Variants in TAFA2 observed in about 807,000 individuals in gnomAD.
The protein encoded by TAFA2 is chemokine-like protein TAFA-2.
A neutral mutation model predicts 18.8 loss-of-function variants in TAFA2; 7 were observed. The ratio of observed to expected loss-of-function variants is 0.37; its 90% CI spans 0.21 to 0.70. The LOEUF (loss-of-function observed/expected upper bound fraction) is 0.70, where lower values mean the gene tolerates loss of function less well. TAFA2 is among the 30% of genes least tolerant of loss of function. TAFA2 has a pLI of 0.53. For synonymous variants in TAFA2, 60 were observed against 54.2 expected (o/e 1.11, Z -0.47); for missense variants, 122 against 158.1 (o/e 0.77, Z 1.23).
chr12:61,803,838 T>C (rs1871498514), intron 2 of TAFA2, among the ~76,000 whole-genome samples: 1 of 151,998 alleles, frequency 6.6e-6, no homozygotes, highest in African/African-American at 2.4e-5. Flanking sequence ...TGTATACATA[T>C]GTAACTAACC....
chr12:61,924,705 C>T (rs1478105776), intron 1 of TAFA2, among the ~76,000 whole-genome samples: 1 of 152,138 alleles, frequency 6.6e-6, no homozygotes, highest in Non-Finnish European at 1.5e-5. Context: ...AACCAGCTAC[C>T]ATCATAATGA....
intron 2 of TAFA2, among the ~76,000 whole-genome samples, chr12:61,850,661 G>A (rs1391233761): frequency 2.6e-5 from 4 of 151,804 alleles, no homozygotes; most frequent in African/African-American, 9.7e-5. Context: ...TTGGCTTTGA[G>A]ATTTTATTTT....
rs926846384 is a variant in TAFA2 at position 61,869,931 on chromosome 12, C to T, written c.-1-2505G>A. ...TCATCTGACAGGAAGAGCTGCTTAG[C>T]ATAATTCTTGATAATAGCTTCTCCT... On this transcript the variant is annotated intron_variant, in intron 1 of 4. Transcript: ENST00000416284. Among the ~76,000 whole-genome samples the T allele has an allele frequency of 7.9e-5, 12 of 152,166 alleles. 1 individual carries two copies. The highest frequency in any genetic ancestry group is 5.9e-4 in the Admixed American group (9 of 15,266).
At chr12:61,931,490 C>G (rs1315911324) in intron 1 of TAFA2, among the ~76,000 whole-genome samples, 2 of 152,202 alleles carry the variant, frequency 1.3e-5, no homozygotes, top group Admixed American at 6.5e-5. Flanking sequence ...TAAGCATATT[C>G]TACGGAAACA....
intron 1 of TAFA2, among the ~76,000 whole-genome samples, chr12:61,904,357 A>C (rs1876246111): frequency 6.6e-6 from 1 of 152,250 alleles, no homozygotes; most frequent in South Asian, 2.1e-4. Flanking sequence ...AGAGTAGAAA[A>C]GTGAGAAGGT....
intron 1 of TAFA2, among the ~76,000 whole-genome samples, chr12:62,213,495 T>C (rs888885680): frequency 3.3e-5 from 5 of 152,060 alleles, no homozygotes; most frequent in African/African-American, 1.2e-4. Context: ...ATACAAAAAT[T>C]AGCTGGGCAT....
At chr12:61,800,211 A>G (rs577158819) in intron 2 of TAFA2, among the ~76,000 whole-genome samples, 1 of 152,344 alleles carries the variant, frequency 6.6e-6, no homozygotes, top group South Asian at 2.1e-4. Flanking sequence ...TATAATGTTA[A>G]TCACTTTTAT....
chr12:62,187,643 A>G (rs2062595389), intron 1 of TAFA2, among the ~76,000 whole-genome samples: 1 of 152,214 alleles, frequency 6.6e-6, no homozygotes, highest in Non-Finnish European at 1.5e-5. Context: ...GAAGACAAGA[A>G]TTGTTTATTT....
At chr12:62,112,276 T>C (rs1015343379) in intron 1 of TAFA2, among the ~76,000 whole-genome samples, 2 of 152,252 alleles carry the variant, frequency 1.3e-5, no homozygotes, top group Admixed American at 1.3e-4. Flanking sequence ...TGAAATTCTG[T>C]GTTGAAAATT....
chr12:62,196,204 C>T (rs2062648655), upstream of TAFA2, among the ~76,000 whole-genome samples: 1 of 152,188 alleles, frequency 6.6e-6, no homozygotes, highest in Non-Finnish European at 1.5e-5. Flanking sequence ...AGGCTTTGCT[C>T]TGGATTAGAC....
intron 1 of TAFA2, among the ~76,000 whole-genome samples, chr12:62,138,155 C>T (rs529906110): frequency 1.3e-5 from 2 of 152,054 alleles, no homozygotes; most frequent in Admixed American, 6.6e-5. Flanking sequence ...TGGTGGCACC[C>T]GCCTGTTGTC....
At chr12:61,994,084 C>T (rs1248118780) in intron 1 of TAFA2, among the ~76,000 whole-genome samples, 1 of 152,152 alleles carries the variant, frequency 6.6e-6, no homozygotes, top group East Asian at 1.9e-4. Flanking sequence ...ATTCTATGCA[C>T]ATGACACATT....
intron 4 of TAFA2, among the ~76,000 whole-genome samples, chr12:61,737,306 A>C (rs1443837215): frequency 6.6e-6 from 1 of 151,966 alleles, no homozygotes; most frequent in Non-Finnish European, 1.5e-5. Context: ...CCTAAAATTG[A>C]AACATGAAAA....
chr12:62,244,893 CTT>C lies in TAFA2; in HGVS notation c.-130+13868_-130+13869del, dbSNP rs963241018. ...ATTTATCTATCTTTTGCCTATTTCTCTTTGTTTATTTTCTTACAATTTGTAGT... is the reference window on the plus strand; with the variant it reads ...ATTTATCTATCTTTTGCCTATTTCTCTGTTTATTTTCTTACAATTTGTAGT... On this transcript the variant is annotated intron_variant, in intron 1 of 5. Coordinates refer to the TAFA2 transcript ENST00000551619. Among the ~76,000 whole-genome samples the C allele has an allele frequency of 3.9e-5, 6 of 152,108 alleles. No individual in the cohort carries two copies. The East Asian group carries it at 5.8e-4, about 15-fold the overall frequency.
chr12:61,896,478 C>T (rs1485523861), intron 1 of TAFA2, among the ~76,000 whole-genome samples: 1 of 152,210 alleles, frequency 6.6e-6, no homozygotes, highest in African/African-American at 2.4e-5. Flanking sequence ...ACTTGGCAAG[C>T]ACTTAGATTC....
chr12:61,730,848 G>A (rs1161510325), intron 4 of TAFA2, among the ~76,000 whole-genome samples: 9 of 152,130 alleles, frequency 5.9e-5, no homozygotes, highest in African/African-American at 2.2e-4. Flanking sequence ...CCTTCCCTCT[G>A]AGAAAGCAGG....
intron 1 of TAFA2, among the ~76,000 whole-genome samples, chr12:62,102,582 T>C (rs1016083210): frequency 2.0e-5 from 3 of 152,188 alleles, no homozygotes; most frequent in African/African-American, 7.2e-5. Flanking sequence ...CTGAGATCTT[T>C]TCCAGTAAAC....
chr12:62,150,995 CAA>C (rs111883560), intron 1 of TAFA2, among the ~76,000 whole-genome samples: 5 of 122,062 alleles, frequency 4.1e-5, no homozygotes, highest in Admixed American at 8.4e-5. Context: ...AAGGCCTTGT[CAA>C]AAAAAAAAAA....
chr12:61,874,648 G>T (rs1874765532), intron 1 of TAFA2, among the ~76,000 whole-genome samples: 1 of 152,132 alleles, frequency 6.6e-6, no homozygotes, highest in Admixed American at 6.5e-5. Context: ...AGATTGAAAT[G>T]ATATGGAATA....
Sources: allele counts gnomAD v4.1 joint callset (sites outside exome capture counted in the v4.1 genomes callset), GRCh38; gene constraint gnomAD v4.1.1; transcripts MANE v1.5; gene names NCBI Gene and HGNC (gene_info 2026-07-23, HGNC 2026-07-21).